MICAL2: variants seen among roughly 807,000 people sequenced by gnomAD.
MICAL2 encodes the protein [F-actin]-monooxygenase MICAL2.
In MICAL2, 77 loss-of-function variants were observed where a neutral mutation model predicts 127.3. The ratio of observed to expected loss-of-function variants is 0.60; its 90% CI spans 0.50 to 0.73. The LOEUF (loss-of-function observed/expected upper bound fraction) is 0.73, where lower values mean the gene tolerates loss of function less well. MICAL2 is among the 30% of genes least tolerant of loss of function. The pLI is 0.00. For synonymous variants in MICAL2, 570 were observed against 551.1 expected (o/e 1.03, Z -0.48); for missense variants, 1,351 against 1,434.4 (o/e 0.94, Z 0.94).
chr11:12,168,307 A>T (rs923176), intron 3 of MICAL2, among the ~76,000 whole-genome samples: 59,809 of 149,730 alleles, frequency 0.4, 14,668 homozygotes, highest in Non-Finnish European at 0.55. Flanking sequence ...CACCATACAC[A>T]CATACATACA....
At chr11:12,209,474 A>C (rs1855163624) in intron 5 of MICAL2, 23 bp from the exon 6 acceptor site, 2 of 1,576,752 alleles carry the variant, frequency 1.3e-6, no homozygotes, top group South Asian at 1.1e-5. Flanking sequence ...CTGCCAACTC[A>C]TCTCATTTCT....
chr11:12,220,669 C>T (rs1856716403), intron 9 of MICAL2, among the ~76,000 whole-genome samples: 1 of 152,248 alleles, frequency 6.6e-6, no homozygotes, highest in Non-Finnish European at 1.5e-5. Flanking sequence ...GGAGAGCCTT[C>T]TCTCCTATCT....
At position 12,256,962 on chromosome 11, in the gene MICAL2, T is replaced by G; in HGVS notation, c.3133T>G (p.Cys1045Gly). Residue 1045 changes from cysteine (C) to glycine (G), a missense_variant, in exon 24 of 28, where the codon TGC becomes GGC. Transcript: ENST00000683283. ...TLRLAAYTFD[C>G]DEGKFYCKPH... The stretch of plus-strand genomic sequence containing the variant: ...GCGCCTGGCCGCCTACACCTTTGAC[T>G]GCGATGAAGGTAACCCCAGGGGCCA... 1 of 1,612,902 alleles carries G rather than the reference T, an allele frequency of 6.2e-7. No individual in the cohort carries two copies. Among genetic ancestry groups the G allele is most frequent in the South Asian group, 1.1e-5 (1 of 90,914 alleles).
chr11:12,288,767 G>C (rs2134777773), downstream of MICAL2, among the ~76,000 whole-genome samples: 1 of 152,312 alleles, frequency 6.6e-6, no homozygotes, highest in Non-Finnish European at 1.5e-5. Context: ...TGCTCAGGCT[G>C]CCGCCCCTAG....
Position 12,242,677 on chromosome 11 carries a change from G to T in MICAL2, c.2563G>T (p.Ala855Ser), listed in dbSNP as rs780768530. Residue 855 changes from alanine to serine, a missense_variant, in exon 20 of 28, where the codon GCT (alanine) becomes TCT (serine). By Grantham distance (99) the Ala-to-Ser change is moderately conservative (BLOSUM62 1). Coordinates refer to ENST00000683283, the MANE Select transcript of MICAL2 (RefSeq NM_001282663.2). Reference protein sequence around the residue: ...QVEEKILQKRAQNLANREFHT... With the variant: ...QVEEKILQKRSQNLANREFHT... Reference sequence around the variant, plus strand: ...TTTCTCACCTTCACTGCAGAAGAGGGCTCAGAACTTGGCCAACAGGGAATT... The same window carrying T: ...TTTCTCACCTTCACTGCAGAAGAGGTCTCAGAACTTGGCCAACAGGGAATT... The T allele has an allele frequency of 1.2e-6, 2 of 1,612,420 alleles. No individual in the cohort carries two copies. Among genetic ancestry groups the T allele is most frequent in the African/African-American group, 1.3e-5 (1 of 74,806 alleles).
At chr11:12,319,676 T>C in intron 29 of MICAL2, 1 of 1,563,806 alleles carries the variant, frequency 6.4e-7, no homozygotes, top group Non-Finnish European at 8.8e-7. Context: ...GTTCATTGAG[T>C]TTTTCTGTTC....
chr11:12,312,169 T>C (rs1864182023), intron 29 of MICAL2, among the ~76,000 whole-genome samples: 1 of 151,940 alleles, frequency 6.6e-6, no homozygotes, highest in African/African-American at 2.4e-5. Flanking sequence ...TTTGTATTTT[T>C]AGAGTCAAAT....
At chr11:12,292,315 T>A, downstream of MICAL2, 1 of 1,613,646 alleles carries the variant, frequency 6.2e-7, no homozygotes, top group East Asian at 2.2e-5. Context: ...TCCCTGAGGG[T>A]CCTGCCCAGG....
intron 32 of MICAL2, among the ~76,000 whole-genome samples, chr11:12,334,801 C>T (rs1314280680): frequency 2.0e-5 from 3 of 151,964 alleles, no homozygotes; most frequent in African/African-American, 4.8e-5. Context: ...TTTTTTATGG[C>T]TGCATAGTAT....
intron 6 of MICAL2, among the ~76,000 whole-genome samples, chr11:12,210,271 C>T (rs1855279873): frequency 2.0e-5 from 3 of 152,146 alleles, no homozygotes; most frequent in African/African-American, 7.2e-5. Flanking sequence ...CACCTCAACA[C>T]CAAGACTGAT....
chr11:12,124,566 C>G (rs575722017), intron 1 of MICAL2, among the ~76,000 whole-genome samples: 11 of 152,228 alleles, frequency 7.2e-5, no homozygotes, highest in Non-Finnish European at 1.6e-4. Flanking sequence ...AGCTTAGCAT[C>G]TCATCTGTGA....
chr11:12,212,866 G>A (rs1386242140), intron 6 of MICAL2, among the ~76,000 whole-genome samples: 1 of 152,184 alleles, frequency 6.6e-6, no homozygotes, highest in Non-Finnish European at 1.5e-5. Context: ...GGGGTCAGGA[G>A]CGGTGGCACC....
At chr11:12,169,826 G>A (rs1039724529) in intron 3 of MICAL2, among the ~76,000 whole-genome samples, 1 of 152,200 alleles carries the variant, frequency 6.6e-6, no homozygotes, top group Admixed American at 6.5e-5. Context: ...AAAATTATAG[G>A]CATTGTCAGA....
intron 1 of MICAL2, among the ~76,000 whole-genome samples, chr11:12,115,125 A>C (rs1849900440): frequency 6.6e-6 from 1 of 152,208 alleles, no homozygotes; most frequent in South Asian, 2.1e-4. Context: ...CCTTCTTCAA[A>C]TCACTATTCA....
rs774298778 is a variant in MICAL2 at position 12,226,336 on chromosome 11, C to T, written c.1854C>T (p.Tyr618=). ...LSMVMYLSKF[Y]ELFRGTPLRP... ...TGGTCATGTACCTCTCCAAGTTCTA[C>T]GAGCTCTTCCGGGGCACCCCACTGA... Residue 618 remains tyrosine (Y), a synonymous_variant, in exon 14 of 28, where the codon TAC becomes TAT. Transcript: ENST00000683283. 2.5e-5 allele frequency: 41 copies of T among 1,613,974 alleles called. No homozygotes were observed. Among genetic ancestry groups the T allele is most frequent in the African/African-American group, 1.5e-4 (11 of 74,934 alleles).
chr11:12,291,455 T>A (rs1289225321), downstream of MICAL2, among the ~76,000 whole-genome samples: 1 of 152,122 alleles, frequency 6.6e-6, no homozygotes, highest in Non-Finnish European at 1.5e-5. Context: ...CCCACAGCAC[T>A]GAACCAGGCC....
At chr11:12,272,585 C>A (rs1207855858), upstream of MICAL2, among the ~76,000 whole-genome samples, 2 of 152,212 alleles carry the variant, frequency 1.3e-5, no homozygotes, top group Admixed American at 1.3e-4. Context: ...GGAGCTGGGT[C>A]TTTGCCACAG....
intron 21 of MICAL2, among the ~76,000 whole-genome samples, chr11:12,246,807 C>T (rs1446578531): frequency 6.6e-6 from 1 of 152,136 alleles, no homozygotes; most frequent in Non-Finnish European, 1.5e-5. Flanking sequence ...CATTGTTAGG[C>T]ATTTCAGGCT....
At chr11:12,301,303 G>A (rs1438150599) in intron 29 of MICAL2, among the ~76,000 whole-genome samples, 2 of 152,050 alleles carry the variant, frequency 1.3e-5, no homozygotes, top group African/African-American at 2.4e-5. Flanking sequence ...TCTTTGGAGG[G>A]GATTTATCCA....
Sources: allele counts gnomAD v4.1 joint callset (sites outside exome capture counted in the v4.1 genomes callset), GRCh38; gene constraint gnomAD v4.1.1; transcripts MANE v1.5; gene names NCBI Gene and HGNC (gene_info 2026-07-23, HGNC 2026-07-21).